The following DACH2 variants were observed in gnomAD, a reference collection of about 807,000 sequenced individuals.
DACH2 encodes dachshund family transcription factor 2.
A neutral mutation model predicts 35.8 loss-of-function variants in DACH2; 17 were observed. The ratio of observed to expected loss-of-function variants is 0.48; its 90% confidence interval spans 0.33 to 0.71. The LOEUF is 0.71. DACH2 is among the 30% of genes least tolerant of loss of function. The pLI, the probability that DACH2 is intolerant of heterozygous loss-of-function variation, is 0.02. For synonymous variants in DACH2, 195 were observed against 177.3 expected (o/e 1.10, Z -0.79); for missense variants, 469 against 472.7 (o/e 0.99, Z 0.07).
chrX:86,392,165 A>G (rs1362073883), intron 2 of DACH2, among the ~76,000 whole-genome samples: 2 of 111,431 alleles, frequency 1.8e-5, no homozygotes, highest in Non-Finnish European at 1.9e-5. Flanking sequence ...ATGGAGTTCT[A>G]TTAGAATAAT....
intron 7 of DACH2, among the ~76,000 whole-genome samples, chrX:86,802,208 G>A (rs751806821): frequency 9.0e-6 from 1 of 111,037 alleles, no homozygotes; most frequent in African/African-American, 3.3e-5. Flanking sequence ...GCATCAATTG[G>A]GCACTTATTA....
At chrX:86,522,186 C>A (rs2038564796) in intron 3 of DACH2, among the ~76,000 whole-genome samples, 1 of 111,239 alleles carries the variant, frequency 9.0e-6, no homozygotes, top group Non-Finnish European at 1.9e-5. Flanking sequence ...AGTGTATATG[C>A]CAAAGTCTCT....
intron 7 of DACH2, among the ~76,000 whole-genome samples, chrX:86,779,867 T>C (rs1226332876): frequency 2.7e-5 from 3 of 112,011 alleles, no homozygotes; most frequent in Non-Finnish European, 5.6e-5. Flanking sequence ...CTGGCATGTA[T>C]ATGCAAGCAT....
At position 86,256,594 on chromosome X, in the gene DACH2, G is replaced by T. The variant is rs186021780; in HGVS notation, c.488+107486G>T. ...CTGACTGAACGTAGAAGAGAATTCA[G>T]TTGTCTTTTGAATTTACAAAAAATG... On this transcript the variant is annotated intron_variant, in intron 1 of 11. Transcript: ENST00000373125. 2.9e-3 allele frequency among the ~76,000 whole-genome samples: 321 copies of T among 111,605 alleles called. 2 individuals carry two copies. The highest frequency in any genetic ancestry group is 9.5e-3 in the African/African-American group (293 of 30,747).
intron 3 of DACH2, among the ~76,000 whole-genome samples, chrX:86,550,895 T>C (rs1335602544): frequency 8.9e-6 from 1 of 111,795 alleles, no homozygotes; most frequent in Non-Finnish European, 1.9e-5. Flanking sequence ...GTGGAGTATA[T>C]GACTGTTTCA....
At chrX:86,762,869 A>G (rs2041896801) in intron 7 of DACH2, among the ~76,000 whole-genome samples, 1 of 111,845 alleles carries the variant, frequency 8.9e-6, no homozygotes, top group Non-Finnish European at 1.9e-5. Flanking sequence ...ATTATTGACT[A>G]TAGTCACCCT....
chrX:86,326,046 A>G lies in DACH2; in HGVS notation c.489-50778A>G, dbSNP rs1404547388. Among the ~76,000 whole-genome samples, 9 of 111,666 alleles carry G rather than the reference A, an allele frequency of 8.1e-5. No homozygotes were observed. The Admixed American group carries it at 8.6e-4, about 11-fold the overall frequency. ...ATCAAGTTTTTGCATGCAAATAACT[A>G]CTTTTGAAAAATTTGAATTTTTCAC... On this transcript the variant is annotated intron_variant, in intron 1 of 11. Transcript: ENST00000373125.
intron 2 of DACH2, among the ~76,000 whole-genome samples, chrX:86,409,968 A>T: frequency 8.9e-6 from 1 of 112,100 alleles, no homozygotes; most frequent in Non-Finnish European, 1.9e-5. Context: ...CCTGCTCTTT[A>T]TTTAACCCCT....
At chrX:86,294,603 G>C (rs777507744) in intron 1 of DACH2, among the ~76,000 whole-genome samples, 78 of 109,308 alleles carry the variant, frequency 7.1e-4, no homozygotes, top group Middle Eastern at 9.8e-3. Context: ...TGGGTTTTTG[G>C]TGTGGATGTC....
chrX:86,806,397 C>T (rs2042345485), intron 7 of DACH2, among the ~76,000 whole-genome samples: 1 of 111,397 alleles, frequency 9.0e-6, no homozygotes, highest in African/African-American at 3.3e-5. Context: ...CCAATCACCT[C>T]ACACCAGGCC....
intron 1 of DACH2, among the ~76,000 whole-genome samples, chrX:86,246,489 C>T (rs1365922623): frequency 2.7e-5 from 3 of 112,002 alleles, no homozygotes; most frequent in Non-Finnish European, 3.8e-5. Flanking sequence ...CGCTATAATC[C>T]AGAAGAGACT....
chrX:86,363,019 A>C, intron 1 of DACH2, among the ~76,000 whole-genome samples: 1 of 108,935 alleles, frequency 9.2e-6, no homozygotes, highest in South Asian at 4.0e-4. Flanking sequence ...ATAATGCCAG[A>C]ATCTAGTTCA....
intron 3 of DACH2, among the ~76,000 whole-genome samples, chrX:86,625,209 A>AGTGTGTGTGTGTGTGTGTGTGTGT (rs72281959): frequency 1.2e-5 from 1 of 85,489 alleles, no homozygotes; most frequent in Non-Finnish European, 2.4e-5. Flanking sequence ...AAACCTTCTT[A>AGTGTGTGTGTGTGTGTGTGTGTGT]GTGTGTGTGT....
intron 1 of DACH2, among the ~76,000 whole-genome samples, chrX:86,325,355 TGAGA>T (rs746954489): frequency 2.8e-5 from 3 of 108,542 alleles, no homozygotes; most frequent in Non-Finnish European, 3.8e-5. Flanking sequence ...AGAGATGGAA[TGAGA>T]GAGAGAGAGA....
At chrX:86,403,031 C>T (rs943616119) in intron 2 of DACH2, among the ~76,000 whole-genome samples, 1 of 111,907 alleles carries the variant, frequency 8.9e-6, no homozygotes, top group Non-Finnish European at 1.9e-5. Context: ...CAAAAATTAA[C>T]TGAAGATGGA....
intron 1 of DACH2, among the ~76,000 whole-genome samples, chrX:86,212,805 C>A (rs2032476666): frequency 9.0e-6 from 1 of 111,246 alleles, no homozygotes; most frequent in African/African-American, 3.3e-5. Flanking sequence ...ACAATGTGTT[C>A]TAAATGCTCT....
At chrX:86,514,482 A>G (rs750132224) in intron 3 of DACH2, 91 bp downstream of exon 3, 72 of 862,694 alleles carry the variant, frequency 8.3e-5, no homozygotes, top group Non-Finnish European at 1.1e-4. Context: ...CTTGTCCTTC[A>G]GAGCTTTTCA....
At chrX:86,812,721 A>T (rs1453655255) in intron 7 of DACH2, 135 bp from the exon 8 acceptor site, 1 of 384,389 alleles carries the variant, frequency 2.6e-6, no homozygotes, top group East Asian at 4.5e-5. Context: ...GAGAATAAAT[A>T]TGACTTCTAA....
intron 2 of DACH2, among the ~76,000 whole-genome samples, chrX:86,468,390 C>T (rs1328818092): frequency 2.7e-5 from 3 of 110,892 alleles, no homozygotes; most frequent in Non-Finnish European, 5.7e-5. Context: ...AAGCTATCTC[C>T]ATTTTACTCA....
Sources: gnomAD v4.1 joint callset for allele counts (sites outside exome capture counted in the v4.1 genomes callset) on GRCh38, gnomAD v4.1.1 for gene constraint, MANE v1.5 for transcripts, NCBI Gene and HGNC (gene_info 2026-07-23, HGNC 2026-07-21) for gene names.